FCHSD2: variants seen among roughly 807,000 people sequenced by gnomAD.
FCHSD2 encodes the protein FCH and double SH3 domains 2.
Under a neutral mutation model 108.1 loss-of-function variants are expected in FCHSD2, and 38 were observed. The observed-to-expected ratio is 0.35, with a 90% CI of 0.27 to 0.46. The LOEUF (loss-of-function observed/expected upper bound fraction) is 0.46, where lower values mean the gene tolerates loss of function less well. Ranked by LOEUF, FCHSD2 falls within the 20% of genes least tolerant of loss-of-function variation. The probability of loss-of-function intolerance (pLI) is 1.00; values close to 1 mark genes in which losing one functional copy is unlikely to be tolerated. For missense variants in FCHSD2, 751 were observed against 897.8 expected (o/e 0.84, Z 2.09); for synonymous variants, 279 against 314.7 (o/e 0.89, Z 1.20).
At chr11:73,047,544 C>T (rs1858798019) in intron 3 of FCHSD2, among the ~76,000 whole-genome samples, 1 of 152,082 alleles carries the variant, frequency 6.6e-6, no homozygotes, top group African/African-American at 2.4e-5. Flanking sequence ...CTAGCCACTG[C>T]CAAGGATAAT....
At chr11:72,976,928 C>CTT (rs572931672) in intron 8 of FCHSD2, among the ~76,000 whole-genome samples, 4 of 141,812 alleles carry the variant, frequency 2.8e-5, no homozygotes, top group Admixed American at 1.4e-4. Context: ...AACTATGAAA[C>CTT]TTTTTTTTTT....
chr11:72,842,798 A>T lies in FCHSD2; in HGVS notation c.1749T>A (p.Asp583Glu). ...CTCCCTCAGGAAAAGATAACTCATC[A>T]TCTGTCTGGCCCTCATAATCATAAA... ...KALYDYEGQT[D>E]DELSFPEGAI... is the part of the protein sequence containing the mutation. Residue 583 changes from aspartate (D) to glutamate (E), a missense_variant, in exon 17 of 20, where the codon GAT becomes GAA. Transcript: ENST00000409418. 1 of 1,613,996 alleles carries T rather than the reference A, an allele frequency of 6.2e-7. No individual in the cohort carries two copies. The highest frequency in any genetic ancestry group is 8.5e-7 in the Non-Finnish European group (1 of 1,179,894).
chr11:73,130,494 A>G (rs1441052311), intron 2 of FCHSD2, among the ~76,000 whole-genome samples: 3 of 152,242 alleles, frequency 2.0e-5, no homozygotes, highest in Admixed American at 1.3e-4. Flanking sequence ...ATTCATGTCT[A>G]TGAATCATAA....
chr11:72,911,065 T>C (rs2135292489), intron 9 of FCHSD2, among the ~76,000 whole-genome samples: 1 of 152,328 alleles, frequency 6.6e-6, no homozygotes, highest in Middle Eastern at 3.4e-3. Context: ...AATCTTTGCC[T>C]AGTCCTATGT....
chr11:73,090,268 C>T (rs901403381), intron 2 of FCHSD2, among the ~76,000 whole-genome samples: 19 of 136,702 alleles, frequency 1.4e-4, no homozygotes, highest in Non-Finnish European at 2.3e-4. Flanking sequence ...CTCTGTCGCC[C>T]AGGCTGGAGT....
chr11:72,900,243 C>T (rs1284011199), intron 10 of FCHSD2: 1 of 1,511,776 alleles, frequency 6.6e-7, no homozygotes, highest in Non-Finnish European at 9.0e-7. Flanking sequence ...GCCCTTGACC[C>T]ACACCCCATA....
At chr11:73,006,006 C>T (rs374410891) in intron 4 of FCHSD2, among the ~76,000 whole-genome samples, 1 of 151,192 alleles carries the variant, frequency 6.6e-6, no homozygotes, top group South Asian at 2.1e-4. Flanking sequence ...CCCCTGGACT[C>T]AAGTGGTCCT....
Position 72,836,783 on chromosome 11 carries a change from A to G in FCHSD2, c.*2008T>C, listed in dbSNP as rs1431250573. The G allele has an allele frequency of 6.6e-6, 1 of 152,620 alleles. No homozygotes were observed. Among genetic ancestry groups the G allele is most frequent in the Non-Finnish European group, 1.5e-5 (1 of 68,030 alleles). The allele number at this position is 152,620 out of a possible 1,614,324, so 9.5% of individuals were successfully genotyped here. A position where few individuals can be genotyped will look rare whatever the true frequency, so the allele number is the denominator to read the frequency against. On this transcript the variant is annotated 3_prime_UTR_variant, in exon 20 of 20. Transcript: ENST00000409418. The stretch of plus-strand genomic sequence containing the variant: ...TTTATTATTCAACATTTTATACATA[A>G]TAAATACAAACTTTTTACAGCCACT...
At chr11:73,103,467 T>C (rs1218491570) in intron 2 of FCHSD2, among the ~76,000 whole-genome samples, 1 of 152,194 alleles carries the variant, frequency 6.6e-6, no homozygotes, top group Non-Finnish European at 1.5e-5. Flanking sequence ...ATTACCTGAA[T>C]CCCTAGGGTG....
At chr11:72,982,937 G>A (rs1157625673) in intron 8 of FCHSD2, among the ~76,000 whole-genome samples, 1 of 152,114 alleles carries the variant, frequency 6.6e-6, no homozygotes, top group Non-Finnish European at 1.5e-5. Flanking sequence ...TAGGAGGGAG[G>A]ATCACTTGAA....
At chr11:73,114,223 C>T (rs1263482122) in intron 2 of FCHSD2, among the ~76,000 whole-genome samples, 1 of 152,028 alleles carries the variant, frequency 6.6e-6, no homozygotes, top group African/African-American at 2.4e-5. Context: ...CACCCCAGAA[C>T]CACAGAGGGT....
intron 12 of FCHSD2, among the ~76,000 whole-genome samples, chr11:72,876,459 A>G (rs1458491252): frequency 1.3e-5 from 2 of 152,256 alleles, no homozygotes; most frequent in African/African-American, 4.8e-5. Context: ...TGAACAACAT[A>G]ATCTCCAATT....
At chr11:73,129,014 G>A (rs1860925866) in intron 2 of FCHSD2, among the ~76,000 whole-genome samples, 1 of 152,108 alleles carries the variant, frequency 6.6e-6, no homozygotes, top group African/African-American at 2.4e-5. Flanking sequence ...TGGGACTACA[G>A]GCATGTGCCA....
intron 2 of FCHSD2, among the ~76,000 whole-genome samples, chr11:73,129,582 C>CT (rs1488482586): frequency 6.6e-6 from 1 of 152,174 alleles, no homozygotes; most frequent in East Asian, 1.9e-4. Context: ...TGGGACCGTC[C>CT]AGTTGCAGAA....
chr11:72,917,104 C>T (rs888660017), intron 9 of FCHSD2, among the ~76,000 whole-genome samples: 6 of 151,966 alleles, frequency 3.9e-5, no homozygotes, highest in Non-Finnish European at 1.5e-5. Context: ...CCTGCCTCAG[C>T]CTCCCAAGCA....
chr11:73,138,604 ATTT>A (rs535753859), intron 2 of FCHSD2, among the ~76,000 whole-genome samples: 29 of 119,732 alleles, frequency 2.4e-4, no homozygotes, highest in Admixed American at 4.5e-4. Flanking sequence ...TTGCACAGGA[ATTT>A]TTTTTTTTTT....
Position 73,076,641 on chromosome 11 carries a change from A to C in FCHSD2, c.165+7054T>G, listed in dbSNP as rs1450187305. On this transcript the variant is annotated intron_variant, in intron 3 of 19. Transcript: ENST00000409418. ...TATGGCATAACTTTGTATGTTTGCT[A>C]AAAATCATTTAATTACATACTTAAG... Among the ~76,000 whole-genome samples, 7 of 152,248 alleles carry C rather than the reference A, an allele frequency of 4.6e-5. No individual in the cohort carries two copies. In the East Asian group the frequency reaches 1.3e-3, roughly 29 times the overall value.
At chr11:72,975,837 G>A (rs2135389438) in intron 8 of FCHSD2, among the ~76,000 whole-genome samples, 1 of 152,162 alleles carries the variant, frequency 6.6e-6, no homozygotes. Flanking sequence ...TATTTGTCTA[G>A]AAATAAATCC....
At chr11:73,111,120 T>C (rs758527024) in intron 2 of FCHSD2, among the ~76,000 whole-genome samples, 2 of 152,154 alleles carry the variant, frequency 1.3e-5, no homozygotes, top group African/African-American at 4.8e-5. Context: ...GAATGATCCA[T>C]GTGCTGAGGA....
Sources: gnomAD v4.1 joint callset for allele counts (sites outside exome capture counted in the v4.1 genomes callset) on GRCh38, gnomAD v4.1.1 for gene constraint, MANE v1.5 for transcripts, NCBI Gene and HGNC (gene_info 2026-07-23, HGNC 2026-07-21) for gene names.